The following FOXN3 variants were observed in gnomAD, a reference collection of about 807,000 sequenced individuals.
The protein encoded by FOXN3 is forkhead box protein N3.
Under a neutral mutation model 38.4 loss-of-function variants are expected in FOXN3, and 7 were observed. That is an observed-to-expected ratio of 0.18 (90% CI 0.10 to 0.34). The LOEUF is 0.34. Among genes scored for constraint, FOXN3 ranks in the 10% least tolerant of loss-of-function variants. The probability of loss-of-function intolerance (pLI) is 1.00; values close to 1 mark genes in which losing one functional copy is unlikely to be tolerated. For missense variants in FOXN3, 456 were observed against 613.4 expected (o/e 0.74, Z 2.71); for synonymous variants, 230 against 242.2 (o/e 0.95, Z 0.47).
At chr14:89,373,736 T>C (rs560835319) in intron 2 of FOXN3, among the ~76,000 whole-genome samples, 1 of 152,276 alleles carries the variant, frequency 6.6e-6, no homozygotes, top group Non-Finnish European at 1.5e-5. Flanking sequence ...CCTTTAATAG[T>C]AGGATTGAGG....
intron 3 of FOXN3, among the ~76,000 whole-genome samples, chr14:89,289,552 G>C (rs1692872127): frequency 6.6e-6 from 1 of 152,158 alleles, no homozygotes; most frequent in African/African-American, 2.4e-5. Context: ...AGAAAAGTAA[G>C]TTTTCAAATG....
intron 1 of FOXN3, among the ~76,000 whole-genome samples, chr14:89,574,980 T>TG (rs1895573770): frequency 6.6e-6 from 1 of 152,202 alleles, no homozygotes. Flanking sequence ...CCCCACCAGC[T>TG]GATCGGTATG....
At chr14:89,352,704 A>C (rs1889028418) in intron 2 of FOXN3, among the ~76,000 whole-genome samples, 1 of 152,204 alleles carries the variant, frequency 6.6e-6, no homozygotes, top group Non-Finnish European at 1.5e-5. Flanking sequence ...TGTTCTCATC[A>C]TGGTGGCTTT....
At chr14:89,266,766 G>A (rs2139898935) in intron 4 of FOXN3, among the ~76,000 whole-genome samples, 1 of 152,288 alleles carries the variant, frequency 6.6e-6, no homozygotes, top group South Asian at 2.1e-4. Flanking sequence ...ACGAGAGGCT[G>A]CTGTTGCTGC....
chr14:89,290,961 T>A (rs1886851031), intron 3 of FOXN3: 3 of 355,406 alleles, frequency 8.4e-6, no homozygotes, highest in Non-Finnish European at 1.7e-5. Flanking sequence ...CAGAAAGCGC[T>A]GATGTGGGTG....
intron 1 of FOXN3, among the ~76,000 whole-genome samples, chr14:89,588,173 CTT>C (rs1895882663): frequency 1.3e-5 from 2 of 152,228 alleles, no homozygotes; most frequent in South Asian, 4.2e-4. Flanking sequence ...CCCTCTCTCT[CTT>C]GCTCCTGCTC....
At chr14:89,334,309 G>A (rs1373478148) in intron 3 of FOXN3, among the ~76,000 whole-genome samples, 3 of 151,230 alleles carry the variant, frequency 2.0e-5, no homozygotes, top group East Asian at 1.9e-4. Context: ...AAAACTTGCA[G>A]TTATAAAATG....
chr14:89,342,979 C>CTTTA (rs1888656966), intron 3 of FOXN3, among the ~76,000 whole-genome samples: 1 of 152,168 alleles, frequency 6.6e-6, no homozygotes, highest in African/African-American at 2.4e-5. Flanking sequence ...TGCAATCTTT[C>CTTTA]TTTATGCTTG....
chr14:89,598,865 G>T (rs1350782671), intron 1 of FOXN3, among the ~76,000 whole-genome samples: 1 of 152,098 alleles, frequency 6.6e-6, no homozygotes, highest in Non-Finnish European at 1.5e-5. Flanking sequence ...TTTGTTATCA[G>T]AAATTTTACT....
chr14:89,305,541 C>A (rs999857082), intron 3 of FOXN3, among the ~76,000 whole-genome samples: 1 of 152,222 alleles, frequency 6.6e-6, no homozygotes, highest in African/African-American at 2.4e-5. Flanking sequence ...ACTGCTGTAT[C>A]TTTAACTATC....
At chr14:89,331,507 T>C (rs1459398375) in intron 3 of FOXN3, among the ~76,000 whole-genome samples, 5 of 152,290 alleles carry the variant, frequency 3.3e-5, no homozygotes, top group African/African-American at 7.2e-5. Context: ...GGATGGTCTA[T>C]GGATTTAGCA....
chr14:89,430,701 G>T (rs182947146), intron 1 of FOXN3, among the ~76,000 whole-genome samples: 4 of 152,248 alleles, frequency 2.6e-5, no homozygotes, highest in Non-Finnish European at 5.9e-5. Context: ...GCCCAAATAA[G>T]TACTTCCGTT....
chr14:89,605,230 T>C (rs1896246418), intron 1 of FOXN3, among the ~76,000 whole-genome samples: 1 of 151,984 alleles, frequency 6.6e-6, no homozygotes, highest in African/African-American at 2.4e-5. Context: ...CCTAAATTGG[T>C]AGAGCAGTGA....
At chr14:89,349,691 G>A (rs1312425547) in intron 3 of FOXN3, 1 of 152,554 alleles carries the variant, frequency 6.6e-6, no homozygotes, top group African/African-American at 2.4e-5. Flanking sequence ...GGCCTGTGAT[G>A]GAATGCTTCT....
intron 4 of FOXN3, among the ~76,000 whole-genome samples, chr14:89,217,387 G>A (rs538239586): frequency 6.6e-6 from 1 of 152,164 alleles, no homozygotes; most frequent in East Asian, 1.9e-4. Context: ...AATCCTTACT[G>A]TCTTGGCCTC....
intron 4 of FOXN3, among the ~76,000 whole-genome samples, chr14:89,258,073 A>G (rs1007071900): frequency 2.0e-5 from 3 of 152,184 alleles, no homozygotes; most frequent in African/African-American, 7.2e-5. Flanking sequence ...GTGTACACAC[A>G]CACACACACG....
At chr14:89,366,625 C>T (rs1352040996) in intron 2 of FOXN3, among the ~76,000 whole-genome samples, 3 of 152,152 alleles carry the variant, frequency 2.0e-5, no homozygotes, top group Non-Finnish European at 4.4e-5. Flanking sequence ...ATTTTTAAAG[C>T]TCAAGGCCTA....
chr14:89,345,823 G>A (rs1203917792), intron 3 of FOXN3, among the ~76,000 whole-genome samples: 1 of 152,234 alleles, frequency 6.6e-6, no homozygotes, highest in Non-Finnish European at 1.5e-5. Context: ...GGGAGACCGA[G>A]GTGGTGGATC....
intron 2 of FOXN3, among the ~76,000 whole-genome samples, chr14:89,373,288 G>A (rs1890375638): frequency 6.6e-6 from 1 of 151,168 alleles, no homozygotes; most frequent in Admixed American, 6.6e-5. Context: ...CTTCATCTAA[G>A]GCCAAATGAT....
Sources: allele counts gnomAD v4.1 joint callset (sites outside exome capture counted in the v4.1 genomes callset), GRCh38; gene constraint gnomAD v4.1.1; transcripts MANE v1.5; gene names NCBI Gene and HGNC (gene_info 2026-07-23, HGNC 2026-07-21).